The following PRKCB variants were observed in gnomAD, a reference collection of about 807,000 sequenced individuals.
PRKCB encodes protein kinase C beta, also known as protein kinase C beta type.
PRKCB carries 13 observed loss-of-function variants against 81.5 expected under a neutral mutation model. The ratio of observed to expected loss-of-function variants is 0.16; its 90% confidence interval spans 0.10 to 0.25. PRKCB has a LOEUF of 0.25. Among genes scored for constraint, PRKCB ranks in the 10% least tolerant of loss-of-function variants. PRKCB has a pLI of 1.00. For missense variants in PRKCB, 509 were observed against 875.7 expected (o/e 0.58, Z 5.29); for synonymous variants, 335 against 321.4 (o/e 1.04, Z -0.45).
chr16:24,188,862 G>C (rs1301720800), intron 15 of PRKCB, among the ~76,000 whole-genome samples: 1 of 152,196 alleles, frequency 6.6e-6, no homozygotes, highest in Non-Finnish European at 1.5e-5. Flanking sequence ...AGTTGCTGAG[G>C]CCTTAGAGTA....
chr16:23,966,638 G>C (rs1784130971), intron 2 of PRKCB, among the ~76,000 whole-genome samples: 1 of 152,130 alleles, frequency 6.6e-6, no homozygotes, highest in South Asian at 2.1e-4. Flanking sequence ...TTTAAGTTGG[G>C]TGTCTCAAGC....
intron 2 of PRKCB, among the ~76,000 whole-genome samples, chr16:23,972,347 T>C (rs1037132905): frequency 6.6e-6 from 1 of 152,222 alleles, no homozygotes; most frequent in African/African-American, 2.4e-5. Flanking sequence ...TGTATTGTCT[T>C]GTATCAAAGT....
At chr16:23,897,957 G>A (rs952594616) in intron 2 of PRKCB, among the ~76,000 whole-genome samples, 1 of 151,904 alleles carries the variant, frequency 6.6e-6, no homozygotes, top group African/African-American at 2.4e-5. Flanking sequence ...GGAGTGCAAT[G>A]GCGTGATCTC....
intron 2 of PRKCB, among the ~76,000 whole-genome samples, chr16:23,860,285 T>A (rs1002564283): frequency 2.0e-5 from 3 of 151,866 alleles, no homozygotes; most frequent in Non-Finnish European, 2.9e-5. Flanking sequence ...GGAGTCCGGG[T>A]TTGGGTGCTT....
intron 2 of PRKCB, among the ~76,000 whole-genome samples, chr16:23,873,707 C>T (rs1962950427): frequency 6.6e-6 from 1 of 152,166 alleles, no homozygotes; most frequent in Non-Finnish European, 1.5e-5. Context: ...GATGCTATAG[C>T]TGGGCTCCAC....
chr16:24,111,589 C>G (rs991536422), intron 7 of PRKCB, among the ~76,000 whole-genome samples: 1 of 150,768 alleles, frequency 6.6e-6, no homozygotes, highest in Admixed American at 6.6e-5. Flanking sequence ...GAGTTCAAGA[C>G]TGGCCTGAGC....
chr16:23,999,200 T>TA (rs1965000143), intron 3 of PRKCB, among the ~76,000 whole-genome samples: 2 of 152,154 alleles, frequency 1.3e-5, no homozygotes, highest in African/African-American at 4.8e-5. Context: ...TATGGAGGGG[T>TA]GCCCTCTCCT....
intron 2 of PRKCB, among the ~76,000 whole-genome samples, chr16:23,909,083 A>G (rs575810167): frequency 1.3e-5 from 2 of 152,360 alleles, no homozygotes; most frequent in East Asian, 3.9e-4. Context: ...TGTGTAATGA[A>G]TGGATCTGTA....
intron 15 of PRKCB, among the ~76,000 whole-genome samples, chr16:24,187,728 G>A (rs569105045): frequency 6.6e-6 from 1 of 152,252 alleles, no homozygotes; most frequent in Non-Finnish European, 1.5e-5. Context: ...GCCCAGGCTA[G>A]AGTGCCGTGG....
chr16:23,872,948 C>T (rs1178819693), intron 2 of PRKCB, among the ~76,000 whole-genome samples: 15 of 150,760 alleles, frequency 9.9e-5, no homozygotes, highest in Non-Finnish European at 1.5e-4. Context: ...GAGGTCGAGG[C>T]GGGCAGATCA....
At chr16:23,908,838 A>C (rs889798653) in intron 2 of PRKCB, among the ~76,000 whole-genome samples, 1 of 152,140 alleles carries the variant, frequency 6.6e-6, no homozygotes, top group African/African-American at 2.4e-5. Flanking sequence ...CTTTATTTCA[A>C]AACACTCCTC....
intron 2 of PRKCB, among the ~76,000 whole-genome samples, chr16:23,880,241 C>T (rs983723439): frequency 2.0e-5 from 3 of 152,100 alleles, no homozygotes; most frequent in Non-Finnish European, 4.4e-5. Flanking sequence ...AATAGAAGGG[C>T]TCTTTCCTCC....
chr16:24,103,191 T>C (rs1966530941), intron 7 of PRKCB, among the ~76,000 whole-genome samples: 1 of 152,188 alleles, frequency 6.6e-6, no homozygotes, highest in African/African-American at 2.4e-5. Flanking sequence ...TGAACAAGCA[T>C]TTAAGGGAAT....
chr16:23,892,698 G>A (rs1446673341), intron 2 of PRKCB, among the ~76,000 whole-genome samples: 2 of 152,118 alleles, frequency 1.3e-5, no homozygotes, highest in African/African-American at 2.4e-5. Flanking sequence ...AGCACTGAAC[G>A]AAAGAGAAAA....
chr16:23,885,604 G>A (rs1028280844), intron 2 of PRKCB, among the ~76,000 whole-genome samples: 32 of 134,790 alleles, frequency 2.4e-4, no homozygotes, highest in African/African-American at 1.1e-3. Flanking sequence ...ACTGTGCCTG[G>A]CCTATCCACA....
At chr16:24,042,430 G>T (rs536311928) in intron 5 of PRKCB, among the ~76,000 whole-genome samples, 1 of 152,160 alleles carries the variant, frequency 6.6e-6, no homozygotes, top group South Asian at 2.1e-4. Context: ...TACATTATTG[G>T]TTTGTAATTT....
rs1255289590 is a variant in PRKCB at position 24,191,136 on chromosome 16, GC to G, written c.1770del (p.Glu591AsnfsTer50). The part of the protein sequence containing the change: ...PGKRLGCGPE[G>X]ERDIKEHAFF... ...AAACGTCTGGGTTGTGGACCTGAAG[GC>G]GAACGTGATATCAAAGAGCATGCAT... On this transcript the variant is annotated frameshift_variant, in exon 16 of 17. Transcript: ENST00000643927. LOFTEE classifies it high-confidence loss of function. 2 of 1,613,960 alleles carry G rather than the reference GC, an allele frequency of 1.2e-6. No individual in the cohort carries two copies. The highest frequency in any genetic ancestry group is 1.7e-6 in the Non-Finnish European group (2 of 1,180,012).
intron 2 of PRKCB, among the ~76,000 whole-genome samples, chr16:23,843,730 A>C (rs1259724180): frequency 2.0e-5 from 3 of 150,254 alleles, no homozygotes; most frequent in Non-Finnish European, 4.4e-5. Flanking sequence ...TCCAAGCACT[A>C]ATGATACTCC....
chr16:23,900,629 C>CTT (rs1029304071), intron 2 of PRKCB, among the ~76,000 whole-genome samples: 1 of 147,304 alleles, frequency 6.8e-6, no homozygotes, highest in African/African-American at 2.5e-5. Flanking sequence ...TCCTTGTTGC[C>CTT]TTTTTTTTTC....
Sources: gnomAD v4.1 joint callset for allele counts (sites outside exome capture counted in the v4.1 genomes callset) on GRCh38, gnomAD v4.1.1 for gene constraint, MANE v1.5 for transcripts, NCBI Gene and HGNC (gene_info 2026-07-23, HGNC 2026-07-21) for gene names.